Variants in SMC2 observed in about 807,000 individuals in gnomAD.
SMC2 encodes structural maintenance of chromosomes protein 2.
In SMC2, 41 loss-of-function variants were observed where a neutral mutation model predicts 142.6. The ratio of observed to expected loss-of-function variants is 0.29; its 90% CI spans 0.22 to 0.37. The LOEUF (loss-of-function observed/expected upper bound fraction) is 0.37. Among genes scored for constraint, SMC2 ranks in the 10% least tolerant of loss-of-function variants. SMC2 has a pLI of 1.00. For missense variants in SMC2, 1,265 were observed against 1,373.7 expected (o/e 0.92, Z 1.25); for synonymous variants, 463 against 457.5 (o/e 1.01, Z -0.15).
chr9:104,130,590 T>TCG (rs1834856250), intron 21 of SMC2, among the ~76,000 whole-genome samples: 1 of 152,092 alleles, frequency 6.6e-6, no homozygotes, highest in African/African-American at 2.4e-5. Flanking sequence ...TTACCATAAT[T>TCG]TTTTTTAACT....
Position 104,094,334 on chromosome 9 carries a change from G to A in SMC2, c.-205G>A, listed in dbSNP as rs1044899157. The A allele has an allele frequency of 1.8e-5, 7 of 398,684 alleles. No individual in the cohort carries two copies. The highest frequency in any genetic ancestry group is 3.1e-5 in the Non-Finnish European group (7 of 226,190). The allele number at this position is 398,684 out of a possible 1,614,324, so 24.7% of individuals were successfully genotyped here. A position where few individuals can be genotyped will look rare whatever the true frequency, so the allele number is the denominator to read the frequency against. On this transcript the variant is annotated 5_prime_UTR_variant, in exon 1 of 25. In the 5' UTR this introduces an upstream ATG that the reference lacks. Coordinates refer to ENST00000374793, the MANE Select transcript of SMC2 (RefSeq NM_006444.3). ...AAAGGAATAAATAGTTCCGGCGCGGGTGTTGAGAGCGGTGTGGCAGGTGTT... is the reference window on the plus strand; with the variant it reads ...AAAGGAATAAATAGTTCCGGCGCGGATGTTGAGAGCGGTGTGGCAGGTGTT...
intron 7 of SMC2, among the ~76,000 whole-genome samples, chr9:104,100,660 G>A (rs1409261141): frequency 1.3e-5 from 2 of 152,146 alleles, no homozygotes; most frequent in Admixed American, 6.5e-5. Flanking sequence ...TCAGAAAATG[G>A]TATGCCGAAT....
intron 19 of SMC2, 76 bp from the exon 20 acceptor site, chr9:104,127,210 T>G (rs7023408): frequency 4.3e-6 from 5 of 1,164,168 alleles, no homozygotes; most frequent in Non-Finnish European, 5.9e-6. Context: ...CAGGGATCTG[T>G]CAGATAATTG....
At position 104,129,706 on chromosome 9, in the gene SMC2, C is replaced by T. The variant is rs1470363706; in HGVS notation, c.2852C>T (p.Pro951Leu). 2.5e-6 allele frequency: 4 copies of T among 1,613,760 alleles called. No individual in the cohort carries two copies. Among genetic ancestry groups the T allele is most frequent in the Admixed American group, 1.7e-5 (1 of 59,990 alleles). ...INAERHLFGQ[P>L]NSAYDFKTNN... The stretch of plus-strand genomic sequence containing the variant: ...GCAGAGAGACACCTCTTTGGCCAAC[C>T]CAATAGTGCCTATGATTTCAAAACT... The change falls in exon 21 of 25, where the codon CCC becomes CTC. Residue 951 changes from proline to leucine, a missense_variant. By Grantham distance (98) the Pro-to-Leu change is moderately conservative. Transcript: ENST00000374793.
chr9:104,111,921 G>A, intron 10 of SMC2, 107 bp downstream of exon 10: 1 of 803,290 alleles, frequency 1.2e-6, no homozygotes, highest in South Asian at 1.9e-5. Context: ...TCAGTCTCAA[G>A]GAACTTGTTT....
At chr9:104,104,556 G>T (rs1831533567) in intron 9 of SMC2, among the ~76,000 whole-genome samples, 1 of 152,162 alleles carries the variant, frequency 6.6e-6, no homozygotes, top group Non-Finnish European at 1.5e-5. Flanking sequence ...AGATAGAACA[G>T]TCCTGGCTCT....
At chr9:104,127,035 TTGCAGCATGAGCG>T (rs1394432952) in intron 19 of SMC2, among the ~76,000 whole-genome samples, 2 of 152,084 alleles carry the variant, frequency 1.3e-5, no homozygotes, top group African/African-American at 4.8e-5. Flanking sequence ...ACGCTCTCAT[TTGCAGCATGAGCG>T]TGCAGCATGA....
chr9:104,105,322 C>T (rs1164901951), intron 9 of SMC2, among the ~76,000 whole-genome samples: 2 of 152,094 alleles, frequency 1.3e-5, no homozygotes, highest in South Asian at 2.1e-4. Context: ...TACAGGATCC[C>T]ACCGTCTGCC....
chr9:104,137,846 T>A (rs1341150310), intron 23 of SMC2, among the ~76,000 whole-genome samples, 172 bp from the exon 24 acceptor site: 5 of 139,964 alleles, frequency 3.6e-5, no homozygotes, highest in Non-Finnish European at 7.4e-5. Flanking sequence ...AAAGAAATAA[T>A]ATTTTAATAC....
At chr9:104,098,058 C>T (rs550599111) in intron 3 of SMC2, among the ~76,000 whole-genome samples, 6 of 152,292 alleles carry the variant, frequency 3.9e-5, no homozygotes, top group African/African-American at 1.4e-4. Flanking sequence ...TGATACTAAG[C>T]TACTTTGTCT....
chr9:104,109,357 C>T (rs1037845834), intron 9 of SMC2, among the ~76,000 whole-genome samples: 1 of 152,138 alleles, frequency 6.6e-6, no homozygotes, highest in Non-Finnish European at 1.5e-5. Flanking sequence ...TCCAGTCTAT[C>T]AACAAATTCT....
chr9:104,105,705 CCT>C (rs1204043722), intron 9 of SMC2, among the ~76,000 whole-genome samples: 1 of 152,022 alleles, frequency 6.6e-6, no homozygotes, highest in Non-Finnish European at 1.5e-5. Flanking sequence ...GATGCTATGT[CCT>C]CTCATGTAAG....
chr9:104,118,715 T>C (rs1411102), intron 15 of SMC2, among the ~76,000 whole-genome samples: 8,611 of 152,262 alleles, frequency 0.057, 650 homozygotes, highest in African/African-American at 0.18. Context: ...TACACTATGC[T>C]GTCCAATACA....
At chr9:104,101,809 T>G (rs993260297) in intron 7 of SMC2, 151 bp from the exon 8 acceptor site, 12 of 548,724 alleles carry the variant, frequency 2.2e-5, no homozygotes, top group African/African-American at 3.9e-5. Flanking sequence ...ACTTCTGATG[T>G]TACGTAAAGT....
rs765942195 is a variant in SMC2, at chr9:104,116,259, A to T, written c.1731A>T (p.Pro577=). 2.5e-6 allele frequency: 4 copies of T among 1,609,690 alleles called. No homozygotes were observed. The highest frequency in any genetic ancestry group is 1.1e-5 in the South Asian group (1 of 90,108). The change falls in exon 14 of 25, where the codon CCA becomes CCT. Residue 577 remains proline, a synonymous_variant. Coordinates refer to ENST00000374793, the MANE Select transcript of SMC2 (RefSeq NM_006444.3). ...TGAAACGTCGATACACTATAATTCCACTCAATAAAATTTCAGCCAGATGTA... is the reference window on the plus strand; with the variant it reads ...TGAAACGTCGATACACTATAATTCCTCTCAATAAAATTTCAGCCAGATGTA... ...GELKRRYTII[P]LNKISARCIA...
At chr9:104,126,813 T>C (rs1383525782) in intron 19 of SMC2, 29 bp downstream of exon 19, 12 of 1,574,898 alleles carry the variant, frequency 7.6e-6, no homozygotes, top group East Asian at 2.2e-5. Flanking sequence ...ATTCGAGAAA[T>C]TGAAAATGCG....
chr9:104,130,631 A>G (rs1444256295), intron 21 of SMC2, among the ~76,000 whole-genome samples: 1 of 152,140 alleles, frequency 6.6e-6, no homozygotes, highest in Non-Finnish European at 1.5e-5. Flanking sequence ...CAAAGAGTCT[A>G]TATTATATTA....
intron 18 of SMC2, 31 bp from the exon 19 acceptor site, chr9:104,126,610 T>TATGAATACCTGAATA (rs1178340435): frequency 1.3e-6 from 2 of 1,561,824 alleles, no homozygotes; most frequent in East Asian, 4.5e-5. Context: ...TAATAACCTA[T>TATGAATACCTGAATA]ATGAATACCT....
chr9:104,094,649 A>C, intron 1 of SMC2, 172 bp downstream of exon 1: 1 of 373,912 alleles, frequency 2.7e-6, no homozygotes, highest in Non-Finnish European at 4.8e-6. Context: ...ACCTTGGAGT[A>C]GGGCGAAGAG....
Sources: gnomAD v4.1 joint callset for allele counts (sites outside exome capture counted in the v4.1 genomes callset) on GRCh38, gnomAD v4.1.1 for gene constraint, MANE v1.5 for transcripts, NCBI Gene and HGNC (gene_info 2026-07-23, HGNC 2026-07-21) for gene names.